LHX8: variants seen among roughly 807,000 people sequenced by gnomAD.
LHX8 encodes LIM/homeobox protein Lhx8.
In LHX8, 12 loss-of-function variants were observed where a neutral mutation model predicts 40.3. That is an observed-to-expected ratio of 0.30 (90% CI 0.19 to 0.48). LHX8 has a LOEUF of 0.48. Ranked by LOEUF, LHX8 falls within the 20% of genes least tolerant of loss-of-function variation. LHX8 has a pLI of 0.99. For synonymous variants in LHX8, 179 were observed against 162.0 expected (o/e 1.10, Z -0.80); for missense variants, 344 against 433.7 (o/e 0.79, Z 1.84).
the LHX8 span, among the ~76,000 whole-genome samples, chr1:75,197,166 C>A: frequency 6.6e-6 from 1 of 152,056 alleles, no homozygotes; most frequent in Non-Finnish European, 1.5e-5. Flanking sequence ...TAGGAAAACA[C>A]AGAAACATTT....
intron 1 of LHX8, among the ~76,000 whole-genome samples, chr1:75,136,006 A>G (rs1004897927): frequency 6.6e-6 from 1 of 152,230 alleles, no homozygotes; most frequent in African/African-American, 2.4e-5. Flanking sequence ...TCATCGGAAC[A>G]AACACCAGGC....
intron 7 of LHX8, 45 bp downstream of exon 7, chr1:75,148,727 G>C: frequency 7.5e-7 from 1 of 1,337,694 alleles, no homozygotes; most frequent in South Asian, 1.2e-5. Context: ...TTAAAAAATA[G>C]ATATTGGGTC....
At chr1:75,174,988 A>G in the LHX8 span, among the ~76,000 whole-genome samples, 1 of 152,066 alleles carries the variant, frequency 6.6e-6, no homozygotes, top group African/African-American at 2.4e-5. Flanking sequence ...GGAGTCCCCA[A>G]ATTCTATTAT....
At chr1:75,166,141 T>C (rs1250056437), downstream of LHX8, among the ~76,000 whole-genome samples, 1 of 152,160 alleles carries the variant, frequency 6.6e-6, no homozygotes, top group Non-Finnish European at 1.5e-5. Flanking sequence ...CACTGCCCTA[T>C]CCCAGGCAAC....
the LHX8 span, among the ~76,000 whole-genome samples, chr1:75,173,537 C>T: frequency 2.6e-5 from 4 of 151,812 alleles, no homozygotes; most frequent in African/African-American, 9.7e-5. Context: ...CGCCCACCAC[C>T]ACGCCCAGCT....
chr1:75,161,541 G>A (rs763863024), downstream of LHX8: 1 of 152,340 alleles, frequency 6.6e-6, no homozygotes, highest in Non-Finnish European at 1.5e-5. Flanking sequence ...CAACCAGTTT[G>A]TCCTTTTTGT....
At chr1:75,166,428 C>T (rs537156757), downstream of LHX8, among the ~76,000 whole-genome samples, 1 of 152,160 alleles carries the variant, frequency 6.6e-6, no homozygotes, top group Non-Finnish European at 1.5e-5. Flanking sequence ...TTTCTTAAAC[C>T]CAAAGGAATT....
At chr1:75,164,000 C>A (rs529377054), downstream of LHX8, among the ~76,000 whole-genome samples, 1 of 152,178 alleles carries the variant, frequency 6.6e-6, no homozygotes, top group South Asian at 2.1e-4. Flanking sequence ...TTCACTACCT[C>A]CAGAACTGTG....
chr1:75,143,402 T>C, intron 5 of LHX8, 64 bp downstream of exon 5: 1 of 1,212,988 alleles, frequency 8.2e-7, no homozygotes, highest in Non-Finnish European at 1.2e-6. Context: ...AAAAATAACT[T>C]TTCCTAAGGT....
chr1:75,135,389 C>A (rs1225620668), intron 1 of LHX8, among the ~76,000 whole-genome samples: 3 of 152,242 alleles, frequency 2.0e-5, no homozygotes, highest in Non-Finnish European at 2.9e-5. Context: ...GGACACCAGG[C>A]GAAAGCGGAG....
chr1:75,166,914 A>G, the LHX8 span, among the ~76,000 whole-genome samples: 9 of 152,194 alleles, frequency 5.9e-5, no homozygotes, highest in South Asian at 2.1e-4. Context: ...CAGGAAATTC[A>G]TGGGCTCAGA....
At chr1:75,188,177 G>A in the LHX8 span, among the ~76,000 whole-genome samples, 2 of 151,722 alleles carry the variant, frequency 1.3e-5, no homozygotes, top group African/African-American at 2.4e-5. Context: ...TTGTTGTTTT[G>A]TTTTGCTTTT....
intron 1 of LHX8, among the ~76,000 whole-genome samples, chr1:75,136,334 G>C (rs1360270085): frequency 2.0e-5 from 3 of 152,000 alleles, no homozygotes; most frequent in Non-Finnish European, 4.4e-5. Context: ...GCGGGGAACC[G>C]ACGTGCCCGG....
chr1:75,179,385 G>A, the LHX8 span, among the ~76,000 whole-genome samples: 6 of 151,992 alleles, frequency 3.9e-5, no homozygotes, highest in Non-Finnish European at 7.4e-5. Context: ...ATTTAGGATA[G>A]TTAGCTCTCC....
chr1:75,155,273 C>T (rs542435691), intron 7 of LHX8, among the ~76,000 whole-genome samples: 6 of 119,168 alleles, frequency 5.0e-5, no homozygotes, highest in Non-Finnish European at 9.5e-5. Context: ...CTCGCTCTGT[C>T]GCCCAGCCTG....
At chr1:75,148,777 A>C in intron 7 of LHX8, 95 bp downstream of exon 7, 1 of 851,056 alleles carries the variant, frequency 1.2e-6, no homozygotes. Context: ...TCTTGAGCTT[A>C]AGTGATTCTC....
chr1:75,149,154 T>C (rs1004747990), intron 7 of LHX8, among the ~76,000 whole-genome samples: 3 of 152,214 alleles, frequency 2.0e-5, no homozygotes, highest in African/African-American at 7.2e-5. Context: ...ACTTTTTTTA[T>C]GATTGTGTGT....
At chr1:75,182,914 A>C in the LHX8 span, 1 of 152,260 alleles carries the variant, frequency 6.6e-6, no homozygotes. Context: ...TTCCTACATA[A>C]ATAGAAATAT....
At chr1:75,135,508 C>T (rs55983022) in intron 1 of LHX8, among the ~76,000 whole-genome samples, 8,833 of 152,254 alleles carry the variant, frequency 0.058, 364 homozygotes, top group Middle Eastern at 0.11. Flanking sequence ...GCCGACGGTC[C>T]GGGAGGCCCC....
Sources: gnomAD v4.1 joint callset for allele counts (sites outside exome capture counted in the v4.1 genomes callset) on GRCh38, gnomAD v4.1.1 for gene constraint, MANE v1.5 for transcripts, NCBI Gene and HGNC (gene_info 2026-07-23, HGNC 2026-07-21) for gene names.